XPO4: variants seen among roughly 807,000 people sequenced by gnomAD.
The protein encoded by XPO4 is exportin 4.
Under a neutral mutation model 143.0 loss-of-function variants are expected in XPO4, and 39 were observed. The observed-to-expected ratio is 0.27, with a 90% confidence interval of 0.21 to 0.36. XPO4 has a LOEUF of 0.36. Among genes scored for constraint, XPO4 ranks in the 10% least tolerant of loss-of-function variants. The probability of loss-of-function intolerance (pLI) is 1.00; values close to 1 mark genes in which losing one functional copy is unlikely to be tolerated. For missense variants in XPO4, 907 were observed against 1,348.0 expected (o/e 0.67, Z 5.12); for synonymous variants, 439 against 474.0 (o/e 0.93, Z 0.96).
rs1341347456 is a variant in XPO4 at position 20,803,080 on chromosome 13, A to G, written c.1818-2090T>C. 2.6e-5 allele frequency among the ~76,000 whole-genome samples: 4 copies of G among 152,254 alleles called. No homozygotes were observed. Among genetic ancestry groups the G allele is most frequent in the African/African-American group, 9.6e-5 (4 of 41,472 alleles). Reference sequence around the variant, plus strand: ...TTTCCTTTAATAGATATAAGTACTGAGAAAACTTCATATAAGTAGAACCTA... The same window carrying G: ...TTTCCTTTAATAGATATAAGTACTGGGAAAACTTCATATAAGTAGAACCTA... On this transcript the variant is annotated intron_variant, in intron 13 of 22. Coordinates refer to ENST00000255305, the MANE Select transcript of XPO4 (RefSeq NM_022459.5). The surrounding 1 kb of genome is among the most constrained non-coding windows in gnomAD (Gnocchi z 4.1).
At position 20,891,770 on chromosome 13, in the gene XPO4, G is replaced by A. The variant is rs143959953; in HGVS notation, c.69+10900C>T. Among the ~76,000 whole-genome samples the A allele has an allele frequency of 2.0e-3, 309 of 151,746 alleles. 1 individual carries two copies. Among genetic ancestry groups the A allele is most frequent in the African/African-American group, 7.2e-3 (299 of 41,424 alleles). ...CCCAGCTACTCGGGAGGCTGAGGCA[G>A]GAGAATTGCTTGAACCCGGGAGGTG... On this transcript the variant is annotated intron_variant, in intron 1 of 22. Coordinates refer to ENST00000255305, the MANE Select transcript of XPO4 (RefSeq NM_022459.5).
intron 8 of XPO4, 114 bp from the exon 9 acceptor site, chr13:20,821,992 C>T: frequency 1.5e-6 from 2 of 1,367,138 alleles, no homozygotes; most frequent in Non-Finnish European, 2.0e-6. Flanking sequence ...AGGTATGTCT[C>T]TGTTTATTAA....
At chr13:20,879,217 T>C (rs2060382939) in intron 1 of XPO4, 1 of 985,092 alleles carries the variant, frequency 1.0e-6, no homozygotes, top group Non-Finnish European at 1.2e-6. Flanking sequence ...TCTAACAAGA[T>C]ATCCCTCCAC....
chr13:20,847,764 A>G (rs1296856652), intron 4 of XPO4, among the ~76,000 whole-genome samples: 1 of 152,192 alleles, frequency 6.6e-6, no homozygotes, highest in African/African-American at 2.4e-5. Context: ...TGACTAACTA[A>G]CTAATTGATA....
chr13:20,790,257 T>A (rs576468706), intron 19 of XPO4, among the ~76,000 whole-genome samples: 6 of 152,164 alleles, frequency 3.9e-5, no homozygotes, highest in African/African-American at 1.2e-4. Context: ...CTGCAGGACT[T>A]TGGGGCAGAA....
At position 20,799,225 on chromosome 13, in the gene XPO4, A is replaced by G; in HGVS notation, c.2262T>C (p.Ala754=). 6.2e-7 allele frequency: 1 copy of G among 1,613,562 alleles called. No individual in the cohort carries two copies. Among genetic ancestry groups the G allele is most frequent in the South Asian group, 1.1e-5 (1 of 91,022 alleles). Residue 754 remains alanine, a synonymous_variant, in exon 16 of 23, where the codon GCT becomes GCC. Transcript: ENST00000255305. ...SSPVQRTLMK[A]LVLGGFAHMD... is the part of the protein sequence containing the mutation. Reference sequence around the variant, plus strand: ...TATGTGCAAAACCTCCTAAGACTAGAGCCTTCATCAATGTCCTCTGCACAG... The same window carrying G: ...TATGTGCAAAACCTCCTAAGACTAGGGCCTTCATCAATGTCCTCTGCACAG...
chr13:20,901,665 T>C (rs1261532340), intron 1 of XPO4, among the ~76,000 whole-genome samples: 2 of 152,170 alleles, frequency 1.3e-5, no homozygotes, highest in African/African-American at 4.8e-5. Context: ...AACTACAAAC[T>C]ACGCTAGAAT....
At chr13:20,877,907 C>T (rs1166761787) in intron 1 of XPO4, among the ~76,000 whole-genome samples, 2 of 152,094 alleles carry the variant, frequency 1.3e-5, no homozygotes, top group Non-Finnish European at 2.9e-5. Context: ...AAATTAAGTG[C>T]AAAAACAAGT....
At chr13:20,900,235 T>C (rs1186581515) in intron 1 of XPO4, among the ~76,000 whole-genome samples, 7 of 151,978 alleles carry the variant, frequency 4.6e-5, no homozygotes, top group Non-Finnish European at 1.0e-4. Flanking sequence ...AAATACAAAA[T>C]TAGCTGGGTG....
At chr13:20,851,064 G>C (rs1595130321) in intron 4 of XPO4, 1 of 985,294 alleles carries the variant, frequency 1.0e-6, no homozygotes, top group East Asian at 1.1e-4. Flanking sequence ...CTTTCTTACA[G>C]AGGTTTTAAT....
intron 3 of XPO4, chr13:20,856,861 A>C (rs2060149025): frequency 1.0e-6 from 1 of 985,296 alleles, no homozygotes; most frequent in South Asian, 4.7e-5. Flanking sequence ...CTTTCTCCAG[A>C]AAGTTATTAC....
Position 20,887,048 on chromosome 13 carries a change from CA to C in XPO4, c.69+15621del, listed in dbSNP as rs2060467541. ...TTGCACCATTGCACTCCAGCCTGGG[CA>C]ACAAGAGCGAAACTCCGTCTCAAAA... is the stretch of plus-strand genomic sequence containing the variant. On this transcript the variant is annotated intron_variant, in intron 1 of 22. Transcript: ENST00000255305. Among the ~76,000 whole-genome samples the C allele has an allele frequency of 5.3e-5, 8 of 150,880 alleles. No homozygotes were observed. The South Asian group carries it at 1.7e-3, about 32-fold the overall frequency.
chr13:20,900,258 C>T (rs1345110157), intron 1 of XPO4, among the ~76,000 whole-genome samples: 1 of 152,018 alleles, frequency 6.6e-6, no homozygotes, highest in East Asian at 1.9e-4. Flanking sequence ...GTGGTACATA[C>T]CTGTAGTCCC....
At chr13:20,804,212 TTATA>T (rs936581445) in intron 13 of XPO4, among the ~76,000 whole-genome samples, 2 of 149,792 alleles carry the variant, frequency 1.3e-5, no homozygotes, top group African/African-American at 2.5e-5. Flanking sequence ...TATACACACA[TTATA>T]TATATATACA....
intron 1 of XPO4, among the ~76,000 whole-genome samples, chr13:20,876,408 T>G (rs1010968389): frequency 6.6e-5 from 10 of 151,808 alleles, no homozygotes; most frequent in Non-Finnish European, 1.5e-5. Context: ...AACAAACCTA[T>G]GACATATGAC....
chr13:20,837,631 C>T (rs924589689), intron 6 of XPO4, among the ~76,000 whole-genome samples: 3 of 152,002 alleles, frequency 2.0e-5, no homozygotes, highest in African/African-American at 2.4e-5. Context: ...AACACATACC[C>T]GAGATTGAGC....
At chr13:20,879,078 G>C (rs1052083492) in intron 1 of XPO4, 18 of 979,940 alleles carry the variant, frequency 1.8e-5, no homozygotes, top group Non-Finnish European at 2.2e-5. Context: ...ATCCAAAGAT[G>C]AATGCAAGCA....
chr13:20,800,368 C>T (rs755048464), intron 14 of XPO4, 43 bp from the exon 15 acceptor site: 1 of 1,521,574 alleles, frequency 6.6e-7, no homozygotes, highest in South Asian at 1.2e-5. Context: ...CAAGAAAGAT[C>T]AACTCAAGAA....
chr13:20,845,600 T>C (rs914423964), intron 4 of XPO4, among the ~76,000 whole-genome samples: 1 of 152,246 alleles, frequency 6.6e-6, no homozygotes, highest in Non-Finnish European at 1.5e-5. Flanking sequence ...TTTTACTGTT[T>C]AAAGCGATCT....
Sources: allele counts gnomAD v4.1 joint callset (sites outside exome capture counted in the v4.1 genomes callset), GRCh38; gene constraint gnomAD v4.1.1; non-coding constraint Gnocchi (gnomAD v3.1); transcripts MANE v1.5; gene names NCBI Gene and HGNC (gene_info 2026-07-23, HGNC 2026-07-21).